TRDN: variants seen among roughly 807,000 people sequenced by gnomAD.
The protein encoded by TRDN is triadin in skeletal muscle.
Under a neutral mutation model 149.7 loss-of-function variants are expected in TRDN, and 161 were observed. The ratio of observed to expected loss-of-function variants is 1.08; its 90% confidence interval spans 0.95 to 1.23. The LOEUF is 1.23. TRDN is among the 50% of genes most tolerant of loss of function. TRDN has a pLI of 0.00. For missense variants in TRDN, 896 were observed against 823.5 expected (o/e 1.09, Z -1.08); for synonymous variants, 294 against 250.5 (o/e 1.17, Z -1.64).
chr6:123,232,879 T>C (rs60410667), intron 38 of TRDN, among the ~76,000 whole-genome samples: 8,071 of 152,038 alleles, frequency 0.053, 635 homozygotes, highest in African/African-American at 0.18. Flanking sequence ...TATAAATAAA[T>C]CAAAGCCCCC....
chr6:123,377,672 C>A (rs760581973), intron 18 of TRDN, 44 bp downstream of exon 18: 2 of 1,610,444 alleles, frequency 1.2e-6, no homozygotes, highest in South Asian at 2.2e-5. Flanking sequence ...TTAATAAACA[C>A]TGGACATGAG....
chr6:123,562,087 T>C (rs1782032927), intron 2 of TRDN, among the ~76,000 whole-genome samples: 2 of 152,238 alleles, frequency 1.3e-5, no homozygotes, highest in East Asian at 3.9e-4. Context: ...GACATTACCT[T>C]GTGAAATTCC....
At chr6:123,430,484 A>G (rs1368456440) in intron 12 of TRDN, among the ~76,000 whole-genome samples, 1 of 152,088 alleles carries the variant, frequency 6.6e-6, no homozygotes, top group African/African-American at 2.4e-5. Flanking sequence ...AGGGAGGCCG[A>G]GGCAGGAGAA....
chr6:123,220,582 C>T (rs1369928712), intron 40 of TRDN, among the ~76,000 whole-genome samples: 1 of 151,718 alleles, frequency 6.6e-6, no homozygotes, highest in Non-Finnish European at 1.5e-5. Flanking sequence ...TAATAAGTGT[C>T]TTATCTACTG....
chr6:123,529,130 C>A, intron 5 of TRDN: 3 of 1,515,898 alleles, frequency 2.0e-6, no homozygotes, highest in Admixed American at 2.1e-5. Flanking sequence ...ACTCCAGCAG[C>A]ACTGTTATTA....
intron 10 of TRDN, among the ~76,000 whole-genome samples, chr6:123,451,810 A>G (rs6931399): frequency 0.15 from 22,937 of 152,072 alleles, 2,237 homozygotes; most frequent in African/African-American, 0.28. Context: ...AAAACTACAG[A>G]CCAATATCCT....
At chr6:123,412,069 A>G (rs538096990) in intron 12 of TRDN, among the ~76,000 whole-genome samples, 1 of 152,342 alleles carries the variant, frequency 6.6e-6, no homozygotes, top group South Asian at 2.1e-4. Context: ...GCCTTGGTGG[A>G]ATTACGTACA....
At position 123,563,121 on chromosome 6, in the gene TRDN, G is replaced by A. The variant is rs60883907; in HGVS notation, c.232+7802C>T. On this transcript the variant is annotated intron_variant, in intron 2 of 40. Coordinates refer to ENST00000334268, the MANE Select transcript of TRDN (RefSeq NM_006073.4). The stretch of plus-strand genomic sequence containing the variant: ...TATGTGGTTATTTCAGTATATAATT[G>A]TTTATGGCAATGTAAAACTAAGTTT... 3.2e-3 allele frequency among the ~76,000 whole-genome samples: 483 copies of A among 152,222 alleles called. 2 individuals are homozygous for A. The highest frequency in any genetic ancestry group is 0.011 in the African/African-American group (472 of 41,548).
At chr6:123,293,496 C>A (rs185937849) in intron 24 of TRDN, among the ~76,000 whole-genome samples, 1 of 152,018 alleles carries the variant, frequency 6.6e-6, no homozygotes, top group Non-Finnish European at 1.5e-5. Context: ...AGTTAGGAGA[C>A]CATATATGGT....
At position 123,464,886 on chromosome 6, in the gene TRDN, A is replaced by AG; in HGVS notation, c.931+19dup. ...ATTTTATCTACAATAGAGATCTTTA[A>AG]GAAAAAAAAAAGTACTTGCCTTCAA... On this transcript the variant is annotated intron_variant, in intron 10 of 40. Coordinates refer to ENST00000334268, the MANE Select transcript of TRDN (RefSeq NM_006073.4). 1 of 1,560,426 alleles carries AG rather than the reference A, an allele frequency of 6.4e-7. No individual in the cohort carries two copies. Among genetic ancestry groups the AG allele is most frequent in the Non-Finnish European group, 8.7e-7 (1 of 1,151,478 alleles).
In TRDN at chr6:123,435,053, G is replaced by A. The variant is rs559273924; in HGVS notation, c.1051+3010C>T. On this transcript the variant is annotated intron_variant, in intron 12 of 40. Coordinates refer to ENST00000334268, the MANE Select transcript of TRDN (RefSeq NM_006073.4). ...GTTTAAGCCTTAGGTTTGTCATGTC[G>A]GCATAATAATACAATATAAGGGAAT... is the stretch of plus-strand genomic sequence containing the variant. Among the ~76,000 whole-genome samples, 28 of 149,928 alleles carry A rather than the reference G, an allele frequency of 1.9e-4. 1 individual carries two copies. In the South Asian group the frequency reaches 3.2e-3, roughly 17 times the overall value.
chr6:123,478,553 G>A (rs571188889), intron 9 of TRDN, among the ~76,000 whole-genome samples: 1 of 152,256 alleles, frequency 6.6e-6, no homozygotes, highest in South Asian at 2.1e-4. Context: ...AGAAGATATA[G>A]GTAAATAGGT....
intron 21 of TRDN, chr6:123,351,364 AC>A (rs1332643383): frequency 2.8e-5 from 27 of 981,422 alleles, no homozygotes; most frequent in Non-Finnish European, 3.3e-5. Context: ...ATAAATTTAG[AC>A]TCAGGAACAC....
At chr6:123,566,465 G>A (rs1268914459) in intron 2 of TRDN, among the ~76,000 whole-genome samples, 2 of 152,156 alleles carry the variant, frequency 1.3e-5, no homozygotes, top group East Asian at 3.8e-4. Context: ...TTGCCCAGAA[G>A]AGAATTATTC....
At chr6:123,483,023 G>A (rs1431297625) in intron 9 of TRDN, among the ~76,000 whole-genome samples, 1 of 150,646 alleles carries the variant, frequency 6.6e-6, no homozygotes, top group African/African-American at 2.4e-5. Flanking sequence ...ACATCTATAT[G>A]GTGCAATGTT....
chr6:123,325,732 G>A (rs994157666), intron 23 of TRDN, among the ~76,000 whole-genome samples: 1 of 152,026 alleles, frequency 6.6e-6, no homozygotes, highest in African/African-American at 2.4e-5. Flanking sequence ...GTCTCTAGAT[G>A]TAGCAAGACA....
intron 13 of TRDN, among the ~76,000 whole-genome samples, chr6:123,391,545 T>A (rs1772467869): frequency 6.6e-6 from 1 of 152,048 alleles, no homozygotes; most frequent in African/African-American, 2.4e-5. Flanking sequence ...ATCTCCAAAT[T>A]GGAATTTCCT....
At chr6:123,419,933 G>C (rs933844597) in intron 12 of TRDN, among the ~76,000 whole-genome samples, 2 of 152,154 alleles carry the variant, frequency 1.3e-5, no homozygotes, top group African/African-American at 2.4e-5. Context: ...ACAAATGAAT[G>C]TGTGCACTTC....
intron 12 of TRDN, among the ~76,000 whole-genome samples, chr6:123,395,515 A>G (rs1393572387): frequency 6.6e-6 from 1 of 152,122 alleles, no homozygotes; most frequent in East Asian, 1.9e-4. Context: ...CTGTGTGCAC[A>G]TAGATTGGGC....
Sources: allele counts gnomAD v4.1 joint callset (sites outside exome capture counted in the v4.1 genomes callset), GRCh38; gene constraint gnomAD v4.1.1; transcripts MANE v1.5; gene names NCBI Gene and HGNC (gene_info 2026-07-23, HGNC 2026-07-21).